The following CLUL1 variants were observed in gnomAD, a reference collection of about 807,000 sequenced individuals.
CLUL1 encodes clusterin-like protein 1.
CLUL1 carries 43 observed loss-of-function variants against 49.4 expected under a neutral mutation model. That is an observed-to-expected ratio of 0.87 (90% CI 0.68 to 1.12). CLUL1 has a LOEUF of 1.12. Ranked by LOEUF, CLUL1 falls within the 50% of genes most tolerant of loss-of-function variation. CLUL1 has a pLI of 0.00. For synonymous variants in CLUL1, 192 were observed against 184.9 expected, an observed-to-expected ratio of 1.04 and a Z score of -0.31; for missense variants, 486 against 544.4, an observed-to-expected ratio of 0.89 and a Z score of 1.07.
At chr18:646,891 A>G (rs2074523874) in intron 9 of CLUL1, among the ~76,000 whole-genome samples, 1 of 151,788 alleles carries the variant, frequency 6.6e-6, no homozygotes, top group South Asian at 2.1e-4. Context: ...CTGGGATTAC[A>G]GGCGCACACC....
At chr18:610,982 CT>C (rs2073117656) in intron 2 of CLUL1, among the ~76,000 whole-genome samples, 5 of 152,168 alleles carry the variant, frequency 3.3e-5, no homozygotes, top group Non-Finnish European at 5.9e-5. Context: ...AAAAATTTGC[CT>C]GGAATTCTGA....
chr18:649,244 G>A (rs182705294), intron 9 of CLUL1, among the ~76,000 whole-genome samples: 2 of 152,268 alleles, frequency 1.3e-5, no homozygotes, highest in Non-Finnish European at 1.5e-5. Context: ...TTTCAATCAC[G>A]TAAACATTTG....
At chr18:633,566 T>A (rs2074047427) in intron 7 of CLUL1, 131 bp downstream of exon 7, 1 of 808,958 alleles carries the variant, frequency 1.2e-6, no homozygotes, top group African/African-American at 1.7e-5. Flanking sequence ...CAAGGAAAGT[T>A]ACTTCTATAG....
rs763915515 is a variant in CLUL1 at position 617,996 on chromosome 18, G to A, written c.-5G>A. On this transcript the variant is annotated 5_prime_UTR_variant, in exon 3 of 10. Coordinates refer to ENST00000692774, the MANE Select transcript of CLUL1 (RefSeq NM_001393344.1). ...TTATTTTTCCTTTGCAGTAACAGCG[G>A]GAACATGAAGCCGCCACTCTTGGTG... The A allele has an allele frequency of 8.1e-6, 13 of 1,613,714 alleles. No individual in the cohort carries two copies. The highest frequency in any genetic ancestry group is 2.2e-5 in the East Asian group (1 of 44,902).
chr18:611,982 C>T (rs181381685), intron 2 of CLUL1, among the ~76,000 whole-genome samples: 2 of 152,306 alleles, frequency 1.3e-5, no homozygotes, highest in South Asian at 4.1e-4. Context: ...AAGAATCCAG[C>T]AGCCACCTTT....
intron 7 of CLUL1, among the ~76,000 whole-genome samples, chr18:636,441 C>A (rs548868261): frequency 6.6e-6 from 1 of 152,072 alleles, no homozygotes; most frequent in African/African-American, 2.4e-5. Context: ...TTCCATTGTG[C>A]AAATTAATGC....
intron 6 of CLUL1, among the ~76,000 whole-genome samples, chr18:628,978 T>C (rs2073905387): frequency 6.6e-6 from 1 of 152,134 alleles, no homozygotes; most frequent in South Asian, 2.1e-4. Context: ...TATCTGACTA[T>C]TTTTCAATTA....
chr18:610,776 C>T (rs2073111692), intron 2 of CLUL1, among the ~76,000 whole-genome samples: 2 of 152,202 alleles, frequency 1.3e-5, no homozygotes, highest in Admixed American at 6.5e-5. Context: ...GTGGCTCACG[C>T]CTGTAATCCC....
chr18:646,100 G>A (rs1414895460), intron 9 of CLUL1, among the ~76,000 whole-genome samples: 1 of 151,696 alleles, frequency 6.6e-6, no homozygotes, highest in Non-Finnish European at 1.5e-5. Context: ...AGGTGGTAGA[G>A]CAGCATGTGG....
chr18:646,497 G>GACACACAC (rs56076402), intron 9 of CLUL1, among the ~76,000 whole-genome samples: 4,263 of 141,294 alleles, frequency 0.03, 74 homozygotes, highest in Middle Eastern at 0.054. Flanking sequence ...CAGATAGATA[G>GACACACAC]ACACACACAC....
At chr18:623,092 G>A (rs151326814) in intron 4 of CLUL1, among the ~76,000 whole-genome samples, 17 of 149,680 alleles carry the variant, frequency 1.1e-4, no homozygotes, top group South Asian at 1.1e-3. Context: ...AAGGACAATG[G>A]CACGATCTTG....
At chr18:612,598 G>A (rs529396618) in intron 2 of CLUL1, among the ~76,000 whole-genome samples, 1 of 152,298 alleles carries the variant, frequency 6.6e-6, no homozygotes, top group Non-Finnish European at 1.5e-5. Context: ...TTCAGGGATT[G>A]TATCAGAAGT....
intron 4 of CLUL1, among the ~76,000 whole-genome samples, chr18:623,278 C>A (rs2073561004): frequency 1.3e-5 from 2 of 152,116 alleles, no homozygotes; most frequent in Non-Finnish European, 2.9e-5. Context: ...GGTGATCCAC[C>A]CGCCTCAGCC....
intron 1 of CLUL1, among the ~76,000 whole-genome samples, chr18:602,990 T>G (rs1353173531): frequency 6.6e-6 from 1 of 152,206 alleles, no homozygotes; most frequent in African/African-American, 2.4e-5. Flanking sequence ...ATTTGGATTT[T>G]ATTCTGAGGG....
intron 4 of CLUL1, among the ~76,000 whole-genome samples, chr18:621,295 C>T (rs2144020958): frequency 6.6e-6 from 1 of 152,156 alleles, no homozygotes; most frequent in African/African-American, 2.4e-5. Context: ...CTTTTTACTT[C>T]TGAGGATCAT....
chr18:613,007 T>C (rs1239024569), intron 2 of CLUL1: 1 of 291,242 alleles, frequency 3.4e-6, no homozygotes. Flanking sequence ...AATTCTGGCT[T>C]CATGATGATG....
At chr18:611,431 G>T (rs1013398310) in intron 2 of CLUL1, among the ~76,000 whole-genome samples, 1 of 152,024 alleles carries the variant, frequency 6.6e-6, no homozygotes, top group Non-Finnish European at 1.5e-5. Flanking sequence ...AGGCATGGTG[G>T]CTCCAGCGTG....
At chr18:644,773 C>A in intron 8 of CLUL1, 137 bp from the exon 9 acceptor site, 1 of 550,756 alleles carries the variant, frequency 1.8e-6, no homozygotes, top group Non-Finnish European at 3.1e-6. Context: ...ATCTTTGTTG[C>A]ATGAAGCCCT....
At position 618,075 on chromosome 18, in the gene CLUL1, G is replaced by T; in HGVS notation, c.75G>T (p.Lys25Asn). 1.9e-6 allele frequency: 3 copies of T among 1,614,018 alleles called. No individual in the cohort carries two copies. The highest frequency in any genetic ancestry group is 1.7e-6 in the Non-Finnish European group (2 of 1,179,894). ...LKDSHCAPTWKDKTAISENLK... is the reference protein window; with the variant it reads ...LKDSHCAPTWNDKTAISENLK... ...ACAGTCACTGCGCACCCACTTGGAA[G>T]GACAAAACTGCTATCAGTGAAAACC... is the stretch of plus-strand genomic sequence containing the variant. The change falls in exon 3 of 10, where the codon AAG (lysine) becomes AAT (asparagine). Residue 25 changes from lysine to asparagine, a missense_variant. Transcript: ENST00000692774. This position sits in a 1 kb window ranked among gnomAD's most constrained non-coding sequence, Gnocchi z 4.2.
Sources: allele counts gnomAD v4.1 joint callset (sites outside exome capture counted in the v4.1 genomes callset), GRCh38; gene constraint gnomAD v4.1.1; non-coding constraint Gnocchi (gnomAD v3.1); transcripts MANE v1.5; gene names NCBI Gene and HGNC (gene_info 2026-07-23, HGNC 2026-07-21).